TMIGD3: variants seen among roughly 807,000 people sequenced by gnomAD.
TMIGD3 encodes transmembrane and immunoglobulin domain containing 3, also known as AD026 protein (AD026).
A neutral mutation model predicts 28.1 loss-of-function variants in TMIGD3; 21 were observed. The ratio of observed to expected loss-of-function variants is 0.75; its 90% CI spans 0.53 to 1.08. TMIGD3 has a LOEUF of 1.08. Among genes scored for constraint, TMIGD3 ranks in the 50% least tolerant of loss-of-function variants. The pLI is 0.00. For synonymous variants in TMIGD3, 151 were observed against 162.1 expected (o/e 0.93, Z 0.52); for missense variants, 416 against 435.6 (o/e 0.96, Z 0.40).
intron 1 of TMIGD3, among the ~76,000 whole-genome samples, chr1:111,552,221 G>A (rs527655385): frequency 6.6e-6 from 1 of 152,264 alleles, no homozygotes; most frequent in East Asian, 1.9e-4. Flanking sequence ...AATCAACCAA[G>A]GACAAATATT....
intron 1 of TMIGD3, among the ~76,000 whole-genome samples, chr1:111,497,648 A>G (rs1047013115): frequency 1.2e-4 from 19 of 152,182 alleles, no homozygotes; most frequent in African/African-American, 3.9e-4. Context: ...GCAATCAGGA[A>G]AAGAAAAAAA....
intron 1 of TMIGD3, among the ~76,000 whole-genome samples, chr1:111,558,380 T>C (rs555340505): frequency 6.5e-4 from 99 of 151,910 alleles, no homozygotes; most frequent in African/African-American, 2.3e-3. Context: ...TAAGACAGGG[T>C]TTTGCCATGT....
intron 1 of TMIGD3, among the ~76,000 whole-genome samples, chr1:111,547,009 A>C (rs1399322771): frequency 4.6e-5 from 7 of 152,054 alleles, no homozygotes; most frequent in Non-Finnish European, 1.0e-4. Context: ...ATGCCCAAGG[A>C]TTGTGTTCTT....
rs1349164318 is a variant in TMIGD3 at position 111,500,766 on chromosome 1, T to C, written c.350+2239A>G. On this transcript the variant is annotated intron_variant, in intron 1 of 5. Transcript: ENST00000369716. ...GAAGACAAGATGAGCAGACAACGAT[T>C]GGAGAAAAATCCAGGAAACTTCTCT... 5.2e-6 allele frequency: 3 copies of C among 574,914 alleles called. No homozygotes were observed. The African/African-American group carries it at 5.6e-5, about 11-fold the overall frequency. The allele number at this position is 574,914 out of a possible 1,614,324, so 35.6% of individuals were successfully genotyped here.
chr1:111,559,979 G>A (rs1282242063), intron 1 of TMIGD3, among the ~76,000 whole-genome samples: 1 of 152,182 alleles, frequency 6.6e-6, no homozygotes, highest in Non-Finnish European at 1.5e-5. Context: ...CACACTTCAA[G>A]ATCAAAGGTT....
chr1:111,550,181 C>T (rs1261956465), intron 1 of TMIGD3, among the ~76,000 whole-genome samples: 2 of 152,148 alleles, frequency 1.3e-5, no homozygotes, highest in Non-Finnish European at 2.9e-5. Context: ...GGTGCCTGCT[C>T]TCATTCCTGA....
At chr1:111,524,271 T>G (rs1656185093) in intron 1 of TMIGD3, among the ~76,000 whole-genome samples, 1 of 152,118 alleles carries the variant, frequency 6.6e-6, no homozygotes, top group Non-Finnish European at 1.5e-5. Flanking sequence ...CCTTGTGATC[T>G]GCCTGCCTTA....
chr1:111,538,565 A>T (rs578226801), intron 1 of TMIGD3, among the ~76,000 whole-genome samples: 2 of 152,246 alleles, frequency 1.3e-5, no homozygotes, highest in East Asian at 3.9e-4. Context: ...GCATTTGTTT[A>T]CCTTTGATGT....
At chr1:111,497,174 G>C (rs1303049584) in intron 1 of TMIGD3, among the ~76,000 whole-genome samples, 1 of 152,074 alleles carries the variant, frequency 6.6e-6, no homozygotes, top group African/African-American at 2.4e-5. Context: ...GCAGTGGCAC[G>C]ATCTCGGCTC....
chr1:111,493,357 G>C (rs1654753389), intron 1 of TMIGD3, among the ~76,000 whole-genome samples: 2 of 152,122 alleles, frequency 1.3e-5, no homozygotes, highest in African/African-American at 2.4e-5. Context: ...CATGAGAGCT[G>C]ATTGTTTCAG....
intron 1 of TMIGD3, among the ~76,000 whole-genome samples, chr1:111,540,182 C>T (rs893927328): frequency 2.0e-5 from 3 of 152,118 alleles, no homozygotes; most frequent in Non-Finnish European, 4.4e-5. Flanking sequence ...ACTGCTCTTC[C>T]TCATATGTTT....
chr1:111,538,209 C>A (rs1329628389), intron 1 of TMIGD3, among the ~76,000 whole-genome samples: 1 of 152,136 alleles, frequency 6.6e-6, no homozygotes, highest in Non-Finnish European at 1.5e-5. Context: ...GATCTCATAT[C>A]AAACATTTAT....
chr1:111,492,787 C>T (rs1025261048), intron 1 of TMIGD3, among the ~76,000 whole-genome samples: 11 of 146,078 alleles, frequency 7.5e-5, no homozygotes, highest in Admixed American at 2.1e-4. Context: ...GTACTTTAGC[C>T]GGGGCAACAG....
chr1:111,503,498 C>G lies in TMIGD3; in HGVS notation c.-144G>C, dbSNP rs958614543. ...AAAATTCCCAACTTGCTCATTCCTA[C>G]CCTTTTCTGGTGGGGTGATCTCTTG... On this transcript the variant is annotated 5_prime_UTR_variant, in exon 1 of 6. Coordinates refer to ENST00000369716, the MANE Select transcript of TMIGD3 (RefSeq NM_020683.7). The G allele has an allele frequency of 1.4e-6, 2 of 1,444,788 alleles. No individual in the cohort carries two copies. Among genetic ancestry groups the G allele is most frequent in the Non-Finnish European group, 1.8e-6 (2 of 1,100,048 alleles). 89.5% of individuals were successfully genotyped at this position (1,444,788 alleles called of 1,614,324 possible).
exon 1 of TMIGD3, chr1:111,563,864 C>T (rs1437321007): frequency 1.2e-6 from 2 of 1,613,228 alleles, no homozygotes; most frequent in East Asian, 2.2e-5. Context: ...AGGACTCAAG[C>T]AGCCCAGTGT....
chr1:111,507,065 A>G (rs1220234658), upstream of TMIGD3, among the ~76,000 whole-genome samples: 1 of 139,540 alleles, frequency 7.2e-6, no homozygotes, highest in African/African-American at 2.7e-5. Context: ...ATATATGTTA[A>G]CTGTAGTTAA....
At chr1:111,486,527 C>T (rs920174902) in intron 4 of TMIGD3, 59 bp downstream of exon 4, 2 of 1,303,728 alleles carry the variant, frequency 1.5e-6, no homozygotes, top group African/African-American at 1.5e-5. Context: ...GCTGCCACCC[C>T]AGCCCCTACC....
chr1:111,547,606 C>T (rs574493243), intron 1 of TMIGD3, among the ~76,000 whole-genome samples: 42 of 152,146 alleles, frequency 2.8e-4, no homozygotes, highest in Non-Finnish European at 5.0e-4. Context: ...GGAAATCTGA[C>T]GTCAATGCCA....
chr1:111,486,763 G>C, intron 3 of TMIGD3, 111 bp from the exon 4 acceptor site: 1 of 898,136 alleles, frequency 1.1e-6, no homozygotes, highest in Non-Finnish European at 1.8e-6. Context: ...GAGTCCCCTG[G>C]TTGACTCCAG....
Sources: gnomAD v4.1 joint callset for allele counts (sites outside exome capture counted in the v4.1 genomes callset) on GRCh38, gnomAD v4.1.1 for gene constraint, MANE v1.5 for transcripts, NCBI Gene and HGNC (gene_info 2026-07-23, HGNC 2026-07-21) for gene names.